The following SLC60A1 variants were observed in gnomAD, a reference collection of about 807,000 sequenced individuals.
SLC60A1 encodes the protein major facilitator superfamily domain containing 4.
chr1:205,590,194 G>A, the SLC60A1 span, among the ~76,000 whole-genome samples: 3 of 152,202 alleles, frequency 2.0e-5, no homozygotes, highest in Non-Finnish European at 4.4e-5. Flanking sequence ...CATGCCTGCT[G>A]TAGAGGCAGG....
At chr1:205,569,865 C>G in the SLC60A1 span, among the ~76,000 whole-genome samples, 7 of 152,142 alleles carry the variant, frequency 4.6e-5, no homozygotes, top group Admixed American at 1.3e-4. Context: ...TCCCTTCCCC[C>G]GGGTAGCCAC....
chr1:205,601,886 A>T, the SLC60A1 span: 1 of 152,218 alleles, frequency 6.6e-6, no homozygotes, highest in Non-Finnish European at 1.5e-5. Flanking sequence ...CCCAGCCAAA[A>T]ATTTTACATC....
the SLC60A1 span, chr1:205,599,262 T>C: frequency 1.9e-6 from 3 of 1,613,216 alleles, no homozygotes; most frequent in Non-Finnish European, 2.5e-6. Flanking sequence ...GTAAGGAAAG[T>C]ATCTGTTTCT....
At chr1:205,580,735 C>A in the SLC60A1 span, 1 of 1,614,024 alleles carries the variant, frequency 6.2e-7, no homozygotes, top group Non-Finnish European at 8.5e-7. This position sits in a 1 kb window ranked among gnomAD's most constrained non-coding sequence, Gnocchi z 5.0. Context: ...CTGAGGCCAA[C>A]TGCTTGCCTG....
At chr1:205,574,182 C>T in the SLC60A1 span, among the ~76,000 whole-genome samples, 3 of 151,806 alleles carry the variant, frequency 2.0e-5, no homozygotes, top group Non-Finnish European at 4.4e-5. Flanking sequence ...TTCGGTGGCT[C>T]ACACCTGTAA....
the SLC60A1 span, chr1:205,602,652 T>C: frequency 1.3e-5 from 2 of 152,612 alleles, no homozygotes; most frequent in Admixed American, 6.5e-5. Context: ...TCTAGGAGTA[T>C]AGTTTTAATT....
the SLC60A1 span, chr1:205,585,000 G>A: frequency 6.2e-7 from 1 of 1,610,364 alleles, no homozygotes; most frequent in South Asian, 1.1e-5. Context: ...CGGTGAGCCT[G>A]CCTCAGAGGG....
chr1:205,600,013 C>T, the SLC60A1 span: 3 of 162,304 alleles, frequency 1.8e-5, no homozygotes, highest in East Asian at 1.8e-4. Context: ...ACGCTCTAAA[C>T]GCTCAGTACA....
chr1:205,588,469 CAAAA>C, the SLC60A1 span, among the ~76,000 whole-genome samples: 6 of 84,732 alleles, frequency 7.1e-5, no homozygotes, highest in South Asian at 5.1e-4. Context: ...GACTTCAAAT[CAAAA>C]AAAAAAAAAA....
At chr1:205,580,745 G>A in the SLC60A1 span, 2 of 1,613,956 alleles carry the variant, frequency 1.2e-6, no homozygotes, top group Non-Finnish European at 1.7e-6. This position sits in a 1 kb window ranked among gnomAD's most constrained non-coding sequence, Gnocchi z 5.0. Context: ...CTGCTTGCCT[G>A]CCAATAGCAC....
the SLC60A1 span, among the ~76,000 whole-genome samples, chr1:205,572,783 T>C: frequency 2.8e-4 from 42 of 152,310 alleles, no homozygotes; most frequent in Non-Finnish European, 1.5e-5. Context: ...TGTCCTTGTT[T>C]TAAAAATCAG....
chr1:205,599,299 G>T, the SLC60A1 span: 1 of 1,608,562 alleles, frequency 6.2e-7, no homozygotes, highest in Non-Finnish European at 8.5e-7. Flanking sequence ...ACAGAGCCGG[G>T]GTCGGGGAGC....
At chr1:205,592,325 T>C in the SLC60A1 span, 1 of 1,566,196 alleles carries the variant, frequency 6.4e-7, no homozygotes, top group Non-Finnish European at 8.7e-7. Context: ...GCGCTCTATC[T>C]AGCTGGGCGC....
the SLC60A1 span, among the ~76,000 whole-genome samples, chr1:205,596,359 T>C: frequency 1.3e-5 from 2 of 151,634 alleles, no homozygotes; most frequent in Non-Finnish European, 2.9e-5. Flanking sequence ...AGAGGAACAT[T>C]ACTGATGGAA....
At chr1:205,593,207 A>G in the SLC60A1 span, among the ~76,000 whole-genome samples, 2 of 152,084 alleles carry the variant, frequency 1.3e-5, no homozygotes, top group African/African-American at 4.8e-5. Context: ...GGGGTGGCTC[A>G]CGCCTGTAAT....
chr1:205,580,877 G>A, the SLC60A1 span: 2 of 1,614,086 alleles, frequency 1.2e-6, no homozygotes, highest in Non-Finnish European at 1.7e-6. The surrounding 1 kb of genome is among the most constrained non-coding windows in gnomAD (Gnocchi z 5.0). Flanking sequence ...GGACGGGGCA[G>A]GGACCCGAGT....
At chr1:205,595,280 A>G in the SLC60A1 span, 2 of 152,376 alleles carry the variant, frequency 1.3e-5, no homozygotes, top group Non-Finnish European at 2.9e-5. Context: ...CTGATGGCAC[A>G]AAAACTGTTC....
At chr1:205,576,544 C>G in the SLC60A1 span, among the ~76,000 whole-genome samples, 1 of 152,208 alleles carries the variant, frequency 6.6e-6, no homozygotes, top group Admixed American at 6.5e-5. Context: ...ACCCAGTATT[C>G]TGATTCCAGA....
chr1:205,592,747 C>A, the SLC60A1 span, among the ~76,000 whole-genome samples: 1 of 152,008 alleles, frequency 6.6e-6, no homozygotes, highest in Non-Finnish European at 1.5e-5. Flanking sequence ...TTTTAGGCCG[C>A]AGAGAAGCAG....
Sources: allele counts gnomAD v4.1 joint callset (sites outside exome capture counted in the v4.1 genomes callset), GRCh38; gene constraint gnomAD v4.1.1; non-coding constraint Gnocchi (gnomAD v3.1); transcripts MANE v1.5; gene names NCBI Gene and HGNC (gene_info 2026-07-23, HGNC 2026-07-21).